NXNL2: variants seen among roughly 807,000 people sequenced by gnomAD.
NXNL2 encodes nucleoredoxin-like protein 2.
A neutral mutation model predicts 11.1 loss-of-function variants in NXNL2; 7 were observed. The ratio of observed to expected loss-of-function variants is 0.63; its 90% CI spans 0.36 to 1.18. The LOEUF (loss-of-function observed/expected upper bound fraction) is 1.18, where lower values mean the gene tolerates loss of function less well. Ranked by LOEUF, NXNL2 falls within the 50% of genes most tolerant of loss-of-function variation. NXNL2 has a pLI of 0.02. For missense variants in NXNL2, 233 were observed against 217.7 expected (o/e 1.07, Z -0.44); for synonymous variants, 109 against 101.8 (o/e 1.07, Z -0.42).
At position 88,565,973 on chromosome 9, in the gene NXNL2, AT is replaced by A. The variant is rs528929098; in HGVS notation, c.303-5113del. On this transcript the variant is annotated intron_variant, in intron 1 of 2. Transcript: ENST00000375855. ...TTTCATATACCTGTTTGCCATTTGTATGTTTTTGGAGAAGTGCCTATTCAAG... is the reference window on the plus strand; with the variant it reads ...TTTCATATACCTGTTTGCCATTTGTAGTTTTTGGAGAAGTGCCTATTCAAG... Among the ~76,000 whole-genome samples, 634 of 152,228 alleles carry A rather than the reference AT, an allele frequency of 4.2e-3. 2 individuals carry two copies. Among genetic ancestry groups the A allele is most frequent in the Non-Finnish European group, 6.8e-3 (462 of 68,012 alleles).
At chr9:88,573,669 A>T (rs1315789405) in intron 2 of NXNL2, among the ~76,000 whole-genome samples, 1 of 152,172 alleles carries the variant, frequency 6.6e-6, no homozygotes, top group African/African-American at 2.4e-5. Context: ...AGGAGGGGAA[A>T]TGGGGCACGG....
chr9:88,567,985 G>A (rs1291912002), intron 1 of NXNL2, among the ~76,000 whole-genome samples: 2 of 152,144 alleles, frequency 1.3e-5, no homozygotes, highest in African/African-American at 2.4e-5. Flanking sequence ...ACCTAGGTAC[G>A]TGACTTGCCT....
At chr9:88,575,755 T>C (rs1337940605) in exon 3 of NXNL2, 1 of 152,232 alleles carries the variant, frequency 6.6e-6, no homozygotes, top group Non-Finnish European at 1.5e-5. Context: ...TATAATTGCA[T>C]TGTTTGTAAC....
chr9:88,570,984 C>A, intron 1 of NXNL2: 1 of 335,512 alleles, frequency 3.0e-6, no homozygotes, highest in Non-Finnish European at 5.7e-6. Flanking sequence ...CTCAGGTGAT[C>A]CACCCGAGTT....
intron 1 of NXNL2, among the ~76,000 whole-genome samples, chr9:88,536,058 G>A (rs939681905): frequency 6.6e-6 from 1 of 152,180 alleles, no homozygotes; most frequent in Non-Finnish European, 1.5e-5. Context: ...CAGTGGTGGT[G>A]ATGCTGTGAG....
At position 88,541,748 on chromosome 9, in the gene NXNL2, C is replaced by G. The variant is rs545098034; in HGVS notation, c.303-2631C>G. On this transcript the variant is annotated intron_variant, in intron 1 of 1. Coordinates refer to ENST00000375854, the MANE Select transcript of NXNL2 (RefSeq NM_001161625.2). Reference sequence around the variant, plus strand: ...ATTTTTCTAGCTTCTTGAATTAGATCCATAAGTCATCTATATACTAAAGTT... The same window carrying G: ...ATTTTTCTAGCTTCTTGAATTAGATGCATAAGTCATCTATATACTAAAGTT... 3.3e-5 allele frequency among the ~76,000 whole-genome samples: 5 copies of G among 152,218 alleles called. No individual in the cohort carries two copies. The South Asian group carries it at 1.0e-3, about 32-fold the overall frequency.
At chr9:88,535,852 G>T (rs1829606150) in intron 1 of NXNL2, 116 bp downstream of exon 1, 1 of 738,552 alleles carries the variant, frequency 1.4e-6, no homozygotes, top group East Asian at 3.1e-5. Context: ...ACACCTCCCC[G>T]TCTCTCGGTT....
At chr9:88,544,142 G>A (rs1829813578) in intron 1 of NXNL2, among the ~76,000 whole-genome samples, 1 of 152,160 alleles carries the variant, frequency 6.6e-6, no homozygotes, top group Admixed American at 6.5e-5. Context: ...TTGCACTCTA[G>A]CCTGGGCGAC....
downstream of NXNL2, among the ~76,000 whole-genome samples, chr9:88,547,056 T>C (rs919401177): frequency 1.3e-5 from 2 of 152,202 alleles, no homozygotes; most frequent in Middle Eastern, 3.2e-3. Flanking sequence ...GTGGGCACCA[T>C]GGGGCAGGGG....
chr9:88,553,710 T>C (rs1298012176), intron 1 of NXNL2, among the ~76,000 whole-genome samples: 2 of 152,192 alleles, frequency 1.3e-5, no homozygotes, highest in Non-Finnish European at 2.9e-5. Flanking sequence ...ATCTCCTTTA[T>C]ACTTCATGTA....
At chr9:88,561,920 C>T (rs575780063) in intron 1 of NXNL2, among the ~76,000 whole-genome samples, 4 of 152,196 alleles carry the variant, frequency 2.6e-5, no homozygotes, top group East Asian at 1.9e-4. Context: ...GTCCTAAAGC[C>T]GAAAAATTGC....
rs199978903 is a variant in NXNL2, at chr9:88,561,458, A to ACTAT, written c.303-9610_303-9607dup. ...CTATCGATCAATCTATCTACCATCTACTATCTATCTATCTATCTATCTTTC... is the reference window on the plus strand; with the variant it reads ...CTATCGATCAATCTATCTACCATCTACTATCTATCTATCTATCTATCTATCTTTC... On this transcript the variant is annotated intron_variant, in intron 1 of 2. Coordinates refer to the NXNL2 transcript ENST00000375855. Among the ~76,000 whole-genome samples the ACTAT allele has an allele frequency of 1.5e-3, 229 of 152,094 alleles. 1 individual carries two copies. The highest frequency in any genetic ancestry group is 3.7e-3 in the African/African-American group (152 of 41,472).
chr9:88,579,306 A>T (rs1342650683), downstream of NXNL2, among the ~76,000 whole-genome samples: 1 of 152,156 alleles, frequency 6.6e-6, no homozygotes. Flanking sequence ...TGCCTGAAGG[A>T]CGGGGGGCTT....
chr9:88,537,911 G>C (rs556688775), intron 1 of NXNL2, among the ~76,000 whole-genome samples: 32 of 152,324 alleles, frequency 2.1e-4, no homozygotes, highest in African/African-American at 7.0e-4. Context: ...TGGCAACCCA[G>C]AAGTGTGGTT....
intron 1 of NXNL2, among the ~76,000 whole-genome samples, chr9:88,557,490 A>G (rs550087799): frequency 6.6e-6 from 1 of 152,260 alleles, no homozygotes; most frequent in Non-Finnish European, 1.5e-5. Flanking sequence ...ATGCACAAAC[A>G]TATGCACAAA....
Position 88,565,235 on chromosome 9 carries a change from A to G in NXNL2, c.303-5852A>G, listed in dbSNP as rs148041034. Among the ~76,000 whole-genome samples the G allele has an allele frequency of 1.4e-3, 217 of 152,292 alleles. 2 individuals are homozygous for G. The highest frequency in any genetic ancestry group is 5.1e-3 in the African/African-American group (211 of 41,582). The stretch of plus-strand genomic sequence containing the variant: ...GGATAACATTCCATTGTATGTGTGT[A>G]CCACATGTTTTATCCATTCATCTGT... On this transcript the variant is annotated intron_variant, in intron 1 of 2. Transcript: ENST00000375855.
At chr9:88,546,905 A>G (rs1304705722), downstream of NXNL2, among the ~76,000 whole-genome samples, 2 of 152,202 alleles carry the variant, frequency 1.3e-5, no homozygotes, top group Non-Finnish European at 2.9e-5. Context: ...TCCTGAGGGA[A>G]AGCCATGATG....
intron 1 of NXNL2, among the ~76,000 whole-genome samples, chr9:88,562,027 A>C (rs1830091344): frequency 6.6e-6 from 1 of 152,216 alleles, no homozygotes; most frequent in Non-Finnish European, 1.5e-5. Flanking sequence ...ACAGGTGCTG[A>C]CTGGGAATAG....
chr9:88,562,154 T>C (rs1475205494), intron 1 of NXNL2, among the ~76,000 whole-genome samples: 2 of 152,130 alleles, frequency 1.3e-5, no homozygotes, highest in African/African-American at 4.8e-5. Flanking sequence ...CAACAATTAA[T>C]GTGGAGGAAA....
Sources: gnomAD v4.1 joint callset for allele counts (sites outside exome capture counted in the v4.1 genomes callset) on GRCh38, gnomAD v4.1.1 for gene constraint, MANE v1.5 for transcripts, NCBI Gene and HGNC (gene_info 2026-07-23, HGNC 2026-07-21) for gene names.